Variants in DOK5 observed in about 807,000 individuals in gnomAD.
DOK5 encodes docking protein 5, also known as downstream of tyrosine kinase 5.
A neutral mutation model predicts 43.3 loss-of-function variants in DOK5; 27 were observed. The ratio of observed to expected loss-of-function variants is 0.62; its 90% CI spans 0.46 to 0.86. The LOEUF (loss-of-function observed/expected upper bound fraction) is 0.86. DOK5 is among the 40% of genes least tolerant of loss of function. DOK5 has a pLI of 0.00. For missense variants in DOK5, 373 were observed against 392.9 expected (o/e 0.95, Z 0.43); for synonymous variants, 146 against 140.1 (o/e 1.04, Z -0.30).
chr20:54,484,490 TGCC>T lies in DOK5; in HGVS notation c.66+8479_66+8481del, dbSNP rs575490484. ...AGAAATAATATGGAGAGATATTCCA[TGCC>T]CTTTAACCACTTTCCCCCCAATGGT... On this transcript the variant is annotated intron_variant, in intron 1 of 7. Coordinates refer to ENST00000262593, the MANE Select transcript of DOK5 (RefSeq NM_018431.5). Among the ~76,000 whole-genome samples the T allele has an allele frequency of 2.0e-5, 3 of 152,336 alleles. No individual in the cohort carries two copies. In the South Asian group the frequency reaches 6.2e-4, roughly 32 times the overall value.
At chr20:54,644,549 C>A (rs1787329436) in intron 7 of DOK5, among the ~76,000 whole-genome samples, 1 of 150,544 alleles carries the variant, frequency 6.6e-6, no homozygotes. Context: ...CTAAAAAACA[C>A]AAAAAAATTA....
chr20:54,485,650 G>A (rs753848978), intron 1 of DOK5, among the ~76,000 whole-genome samples: 83 of 152,264 alleles, frequency 5.5e-4, no homozygotes, highest in Non-Finnish European at 9.7e-4. Flanking sequence ...GTGAACATAC[G>A]TTTTCGTGCC....
chr20:54,562,321 C>T (rs1898003202), intron 2 of DOK5, among the ~76,000 whole-genome samples: 1 of 152,212 alleles, frequency 6.6e-6, no homozygotes, highest in Admixed American at 6.5e-5. Context: ...ATGTGACTCA[C>T]ATGCCAAATT....
intron 6 of DOK5, among the ~76,000 whole-genome samples, chr20:54,632,463 AT>A (rs957736877): frequency 6.6e-6 from 1 of 152,250 alleles, no homozygotes; most frequent in Non-Finnish European, 1.5e-5. Context: ...AATTCTAAAT[AT>A]TGGCAATAAC....
chr20:54,533,924 G>C (rs1983864970), intron 1 of DOK5, among the ~76,000 whole-genome samples: 1 of 152,066 alleles, frequency 6.6e-6, no homozygotes, highest in East Asian at 1.9e-4. Context: ...TCAGCTAGCA[G>C]TATTTATAGA....
intron 1 of DOK5, among the ~76,000 whole-genome samples, chr20:54,554,278 T>C (rs1206535977): frequency 6.6e-6 from 1 of 152,214 alleles, no homozygotes. Flanking sequence ...TAGTTCCCTG[T>C]AGCAGGTTCC....
chr20:54,503,399 G>C (rs146021399), intron 1 of DOK5, among the ~76,000 whole-genome samples: 7 of 152,178 alleles, frequency 4.6e-5, no homozygotes, highest in African/African-American at 1.7e-4. Context: ...AAGTGGACCT[G>C]GCCTTGGAAC....
intron 1 of DOK5, among the ~76,000 whole-genome samples, chr20:54,512,612 T>A (rs867679592): frequency 6.6e-6 from 1 of 152,216 alleles, no homozygotes; most frequent in East Asian, 1.9e-4. Flanking sequence ...ATAAGAAAGT[T>A]TGGCATTTTT....
chr20:54,597,414 A>T (rs1986177262), intron 5 of DOK5, among the ~76,000 whole-genome samples: 1 of 152,222 alleles, frequency 6.6e-6, no homozygotes, highest in African/African-American at 2.4e-5. Context: ...CATGTGGTTG[A>T]GAAACCCTAC....
intron 6 of DOK5, among the ~76,000 whole-genome samples, chr20:54,612,144 T>C (rs1986670392): frequency 6.6e-6 from 1 of 152,262 alleles, no homozygotes; most frequent in South Asian, 2.1e-4. Context: ...CTCTCAACCA[T>C]TAAAAAGTGC....
intron 1 of DOK5, among the ~76,000 whole-genome samples, chr20:54,542,331 C>A (rs1339495652): frequency 6.6e-6 from 1 of 152,136 alleles, no homozygotes; most frequent in Non-Finnish European, 1.5e-5. Flanking sequence ...AGAATGCTCA[C>A]CCAGTATTTT....
At chr20:54,557,866 AAC>A (rs1346605459) in intron 2 of DOK5, among the ~76,000 whole-genome samples, 1 of 152,204 alleles carries the variant, frequency 6.6e-6, no homozygotes, top group African/African-American at 2.4e-5. Context: ...ACCAGAACAT[AAC>A]ACACTTGCTT....
intron 2 of DOK5, among the ~76,000 whole-genome samples, chr20:54,581,068 G>C (rs773667999): frequency 6.6e-6 from 1 of 151,998 alleles, no homozygotes; most frequent in Non-Finnish European, 1.5e-5. Flanking sequence ...GGTGAAGTAA[G>C]GGTACAATTT....
intron 6 of DOK5, among the ~76,000 whole-genome samples, chr20:54,633,905 C>T (rs971814988): frequency 2.6e-5 from 4 of 152,178 alleles, no homozygotes; most frequent in African/African-American, 7.2e-5. Context: ...TACATCCTGT[C>T]GTGCTGTTCA....
intron 1 of DOK5, among the ~76,000 whole-genome samples, chr20:54,552,775 A>G (rs1011049937): frequency 1.5e-4 from 23 of 152,220 alleles, no homozygotes; most frequent in African/African-American, 5.1e-4. Flanking sequence ...ATTTAGAACT[A>G]AACTTCGGAG....
At chr20:54,591,465 T>C (rs1985970654) in intron 4 of DOK5, 151 bp from the exon 5 acceptor site, 1 of 554,128 alleles carries the variant, frequency 1.8e-6, no homozygotes, top group African/African-American at 1.9e-5. Context: ...TTTCTGGGAC[T>C]GTTAATTAAT....
chr20:54,522,552 C>G lies in DOK5; in HGVS notation c.67-32381C>G, dbSNP rs149418492. Reference sequence around the variant, plus strand: ...TTTTTTTTTTTGAGACAGAGCCTCGCTCTGTTGTCCAGGCTGGAGTGCAGT... The same window carrying G: ...TTTTTTTTTTTGAGACAGAGCCTCGGTCTGTTGTCCAGGCTGGAGTGCAGT... On this transcript the variant is annotated intron_variant, in intron 1 of 7. Coordinates refer to ENST00000262593, the MANE Select transcript of DOK5 (RefSeq NM_018431.5). Among the ~76,000 whole-genome samples, 666 of 149,942 alleles carry G rather than the reference C, an allele frequency of 4.4e-3. 5 individuals carry two copies. Among genetic ancestry groups the G allele is most frequent in the African/African-American group, 0.015 (620 of 40,644 alleles).
intron 2 of DOK5, among the ~76,000 whole-genome samples, chr20:54,580,380 AATC>A (rs1211991790): frequency 6.6e-6 from 1 of 151,428 alleles, no homozygotes; most frequent in Non-Finnish European, 1.5e-5. Flanking sequence ...AGGATTACTG[AATC>A]ATATAGTAGT....
Position 54,651,015 on chromosome 20 carries a change from A to G in DOK5, c.*536A>G, listed in dbSNP as rs1034502638. The G allele has an allele frequency of 3.3e-5, 5 of 152,334 alleles. No homozygotes were observed. Among genetic ancestry groups the G allele is most frequent in the African/African-American group, 1.2e-4 (5 of 41,454 alleles). The allele number at this position is 152,334 out of a possible 1,614,324, so 9.4% of individuals were successfully genotyped here. On this transcript the variant is annotated 3_prime_UTR_variant, in exon 8 of 8. Coordinates refer to ENST00000262593, the MANE Select transcript of DOK5 (RefSeq NM_018431.5). The stretch of plus-strand genomic sequence containing the variant: ...GACTCACTCTTATCTGTTCTGTTCA[A>G]AACTATTTGTTCAAAGAACCCGTTA...
Sources: gnomAD v4.1 joint callset for allele counts (sites outside exome capture counted in the v4.1 genomes callset) on GRCh38, gnomAD v4.1.1 for gene constraint, MANE v1.5 for transcripts, NCBI Gene and HGNC (gene_info 2026-07-23, HGNC 2026-07-21) for gene names.